Variants in PIK3C3 observed in about 807,000 individuals in gnomAD.
PIK3C3 encodes phosphatidylinositol 3-kinase catalytic subunit type 3, also known as PI3-kinase type 3.
Under a neutral mutation model 126.1 loss-of-function variants are expected in PIK3C3, and 95 were observed. The ratio of observed to expected loss-of-function variants is 0.75; its 90% CI spans 0.64 to 0.89. The LOEUF (loss-of-function observed/expected upper bound fraction) is 0.89, where lower values mean the gene tolerates loss of function less well. Among genes scored for constraint, PIK3C3 ranks in the 40% least tolerant of loss-of-function variants. PIK3C3 has a pLI of 0.00. For missense variants in PIK3C3, 829 were observed against 1,063.2 expected (o/e 0.78, Z 3.06); for synonymous variants, 374 against 360.0 (o/e 1.04, Z -0.44).
At chr18:42,011,761 T>C (rs1056490459) in intron 10 of PIK3C3, among the ~76,000 whole-genome samples, 1 of 152,218 alleles carries the variant, frequency 6.6e-6, no homozygotes, top group African/African-American at 2.4e-5. Flanking sequence ...CTTAATCATT[T>C]CTAGCTTTTG....
At chr18:42,041,476 A>G (rs1167917586) in intron 19 of PIK3C3, among the ~76,000 whole-genome samples, 1 of 145,784 alleles carries the variant, frequency 6.9e-6, no homozygotes, top group Non-Finnish European at 1.5e-5. Flanking sequence ...AAAGTAATGT[A>G]TATGTTTGGA....
At position 41,986,002 on chromosome 18, in the gene PIK3C3, A is replaced by G. The variant is rs191754315; in HGVS notation, c.532-1810A>G. 3.0e-4 allele frequency among the ~76,000 whole-genome samples: 45 copies of G among 152,282 alleles called. 1 individual carries two copies. The East Asian group carries it at 6.9e-3, about 24-fold the overall frequency. On this transcript the variant is annotated intron_variant, in intron 4 of 24. Transcript: ENST00000262039. ...ATAGGAAATTAGCAGTGGATCAACT[A>G]TTGTATCATAAATACAAAACTAATA...
At position 42,082,901 on chromosome 18, in the gene PIK3C3, CAAT is replaced by C. The variant is rs1379134246; in HGVS notation, c.*1767_*1769del. 3.9e-5 allele frequency: 6 copies of C among 152,144 alleles called. No individual in the cohort carries two copies. The highest frequency in any genetic ancestry group is 3.9e-4 in the Admixed American group (6 of 15,270). 9.4% of individuals were successfully genotyped at this position (152,144 alleles called of 1,614,324 possible). A position where few individuals can be genotyped will look rare whatever the true frequency, so the allele number is the denominator to read the frequency against. On this transcript the variant is annotated 3_prime_UTR_variant, in exon 25 of 25. Coordinates refer to ENST00000262039, the MANE Select transcript of PIK3C3 (RefSeq NM_002647.4). ...GATATGACCATGTTTATAAGGAACT[CAAT>C]AAATAATTTTGACACAAACATGAAA...
chr18:42,042,839 G>A (rs1984384089), intron 19 of PIK3C3, among the ~76,000 whole-genome samples: 7 of 152,126 alleles, frequency 4.6e-5, no homozygotes, highest in Admixed American at 4.6e-4. Context: ...AAATCGTAGT[G>A]TTGCCAAACT....
intron 9 of PIK3C3, among the ~76,000 whole-genome samples, chr18:41,998,672 TC>T (rs1253913750): frequency 6.6e-6 from 1 of 152,164 alleles, no homozygotes; most frequent in Non-Finnish European, 1.5e-5. Context: ...AAACTTCAAT[TC>T]TCAGGATATG....
At chr18:42,016,558 C>T (rs1333288766) in intron 12 of PIK3C3, among the ~76,000 whole-genome samples, 1 of 152,122 alleles carries the variant, frequency 6.6e-6, no homozygotes, top group Non-Finnish European at 1.5e-5. Flanking sequence ...CTAGAAAGCT[C>T]TTACAAGTTA....
intron 24 of PIK3C3, among the ~76,000 whole-genome samples, chr18:42,069,693 A>G (rs909658572): frequency 4.6e-5 from 7 of 152,252 alleles, no homozygotes; most frequent in Middle Eastern, 3.4e-3. Context: ...CTCCATCTCT[A>G]TCTACAAGTG....
intron 2 of PIK3C3, among the ~76,000 whole-genome samples, chr18:41,958,833 A>G (rs1312913152): frequency 6.6e-6 from 1 of 152,184 alleles, no homozygotes; most frequent in Non-Finnish European, 1.5e-5. Flanking sequence ...ATAGAATAAT[A>G]CAGTGAACGC....
intron 21 of PIK3C3, among the ~76,000 whole-genome samples, chr18:42,054,154 A>ATATATC (rs1984942019): frequency 8.9e-5 from 3 of 33,522 alleles, no homozygotes; most frequent in African/African-American, 3.6e-4. Context: ...ATATATATAT[A>ATATATC]TATATATATA....
intron 7 of PIK3C3, among the ~76,000 whole-genome samples, chr18:41,994,538 C>G (rs938855974): frequency 2.0e-5 from 3 of 151,684 alleles, no homozygotes; most frequent in Non-Finnish European, 4.4e-5. Flanking sequence ...CATGTGTAAA[C>G]CAATATACTG....
chr18:42,058,297 C>T (rs1426194615), intron 22 of PIK3C3, among the ~76,000 whole-genome samples: 2 of 152,156 alleles, frequency 1.3e-5, no homozygotes, highest in East Asian at 3.8e-4. Context: ...AGGAAGCTGG[C>T]ATCACATAAG....
intron 19 of PIK3C3, among the ~76,000 whole-genome samples, chr18:42,041,474 GTA>G (rs1407914268): frequency 1.4e-5 from 2 of 144,496 alleles, no homozygotes; most frequent in Admixed American, 7.0e-5. Flanking sequence ...ACAAAGTAAT[GTA>G]TATGTTTGGA....
Position 42,037,730 on chromosome 18 carries a change from A to G in PIK3C3, c.1878A>G (p.Glu626=). Reference sequence around the variant, plus strand: ...CTGCACAGTTGTTTTTTAAGACGGAAGATGGAGGCAAATATCCAGTTATAT... The same window carrying G: ...CTGCACAGTTGTTTTTTAAGACGGAGGATGGAGGCAAATATCCAGTTATAT... ...LMPAQLFFKT[E]DGGKYPVIFK... Residue 626 remains glutamate (E), a synonymous_variant, in exon 17 of 25, where the codon GAA becomes GAG. Coordinates refer to ENST00000262039, the MANE Select transcript of PIK3C3 (RefSeq NM_002647.4). 6.2e-7 allele frequency: 1 copy of G among 1,612,234 alleles called. No homozygotes were observed. Among genetic ancestry groups the G allele is most frequent in the Non-Finnish European group, 8.5e-7 (1 of 1,178,544 alleles).
chr18:41,999,596 A>C (rs540621036), intron 9 of PIK3C3, among the ~76,000 whole-genome samples: 1 of 152,180 alleles, frequency 6.6e-6, no homozygotes, highest in Non-Finnish European at 1.5e-5. Flanking sequence ...ATATAAGACT[A>C]TGAGCTTTCA....
chr18:41,955,963 T>C lies in PIK3C3; in HGVS notation c.68+604T>C, dbSNP rs115975210. On this transcript the variant is annotated intron_variant, in intron 1 of 24. Transcript: ENST00000262039. ...AGAAAAGAGTCTTTGCAGGAAAACG[T>C]TGGGGCACCACGGCTGAAGTAAAGG... is the stretch of plus-strand genomic sequence containing the variant. Among the ~76,000 whole-genome samples, 486 of 152,192 alleles carry C rather than the reference T, an allele frequency of 3.2e-3. 3 individuals are homozygous for C. Among genetic ancestry groups the C allele is most frequent in the African/African-American group, 0.011 (456 of 41,518 alleles).
intron 2 of PIK3C3, among the ~76,000 whole-genome samples, chr18:41,961,279 T>C (rs1980071682): frequency 6.6e-6 from 1 of 152,218 alleles, no homozygotes; most frequent in East Asian, 1.9e-4. Context: ...CTTTAGCCAG[T>C]GTTAATTAAC....
intron 14 of PIK3C3, 22 bp downstream of exon 14, chr18:42,027,570 TGGCAA>T: frequency 6.8e-7 from 1 of 1,465,562 alleles, no homozygotes; most frequent in Non-Finnish European, 9.5e-7. Flanking sequence ...ATGTGAGGGT[TGGCAA>T]ACTGCAGCAC....
At chr18:41,988,081 G>A (rs1981586627) in intron 5 of PIK3C3, among the ~76,000 whole-genome samples, 183 bp downstream of exon 5, 1 of 152,040 alleles carries the variant, frequency 6.6e-6, no homozygotes, top group South Asian at 2.1e-4. Flanking sequence ...ATATTTTAAC[G>A]TAATGTCAAA....
Position 41,987,300 on chromosome 18 carries a change from T to C in PIK3C3, c.532-512T>C, listed in dbSNP as rs188170176. 1.1e-4 allele frequency among the ~76,000 whole-genome samples: 17 copies of C among 152,154 alleles called. No individual in the cohort carries two copies. The East Asian group carries it at 1.5e-3, about 14-fold the overall frequency. On this transcript the variant is annotated intron_variant, in intron 4 of 24. Transcript: ENST00000262039. ...CTCTACCAACTGCTATTCTAGAAAA[T>C]TGAAGTCTTTTATCACCGTTGCCTA...
Sources: gnomAD v4.1 joint callset for allele counts (sites outside exome capture counted in the v4.1 genomes callset) on GRCh38, gnomAD v4.1.1 for gene constraint, MANE v1.5 for transcripts, NCBI Gene and HGNC (gene_info 2026-07-23, HGNC 2026-07-21) for gene names.